The following MST1R variants were observed in gnomAD, a reference collection of about 807,000 sequenced individuals.
MST1R encodes macrophage-stimulating protein receptor.
A neutral mutation model predicts 117.8 loss-of-function variants in MST1R; 99 were observed. The observed-to-expected ratio is 0.84, with a 90% confidence interval of 0.71 to 0.99. The LOEUF is 0.99. Among genes scored for constraint, MST1R ranks in the 50% least tolerant of loss-of-function variants. The pLI, the probability that MST1R is intolerant of heterozygous loss-of-function variation, is 0.00. For missense variants in MST1R, 1,683 were observed against 1,840.2 expected (o/e 0.91, Z 1.56); for synonymous variants, 734 against 765.3 (o/e 0.96, Z 0.68).
In MST1R at chr3:49,890,579, T is replaced by C. The variant is rs200817733; in HGVS notation, c.3716A>G (p.Tyr1239Cys). 9.3e-6 allele frequency: 15 copies of C among 1,614,124 alleles called. No homozygotes were observed. In the African/African-American group the frequency reaches 1.5e-4, roughly 16 times the overall value. Residue 1239 changes from tyrosine (Y) to cysteine (C), a missense_variant, in exon 18 of 20, where the codon TAT (tyrosine) becomes TGT (cysteine). By Grantham distance (194) the Tyr-to-Cys change is radical. Transcript: ENST00000296474. ...AGCGTGGCGATGCTGTTGAACACTA[T>C]AGTACTCCCTGTCCAGGATGTCGCG... ...LARDILDREY[Y>C]SVQQHRHARL... is the part of the protein sequence containing the mutation.
At chr3:49,898,387 C>T in intron 4 of MST1R, 131 bp downstream of exon 4, 3 of 1,372,980 alleles carry the variant, frequency 2.2e-6, no homozygotes, top group Non-Finnish European at 3.0e-6. Context: ...TCCCCTCTGA[C>T]AAGAATGCCC....
Position 49,891,552 on chromosome 3 carries a change from G to GCCCCTCTC in MST1R, c.3380_3381insGAGAGGGG (p.Phe1128ArgfsTer14). 1 of 1,613,946 alleles carries GCCCCTCTC rather than the reference G, an allele frequency of 6.2e-7. No homozygotes were observed. The highest frequency in any genetic ancestry group is 2.2e-5 in the East Asian group (1 of 44,882). On this transcript the variant is annotated frameshift_variant, in exon 16 of 20. Coordinates refer to ENST00000296474, the MANE Select transcript of MST1R (RefSeq NM_002447.4). LOFTEE classifies it high-confidence loss of function. The stretch of plus-strand genomic sequence containing the variant: ...GCATGAGCAGCCCCTCTCGCAGGAA[G>GCCCCTCTC]GCCTCCACCTGCTGCATCTCTGTGA...
rs1339291117 is a variant in MST1R at position 49,898,164 on chromosome 3, C to A, written c.1767G>T (p.Leu589=). The A allele has an allele frequency of 6.2e-7, 1 of 1,614,012 alleles. No homozygotes were observed. Among genetic ancestry groups the A allele is most frequent in the East Asian group, 2.2e-5 (1 of 44,880 alleles). The change falls in exon 5 of 20, where the codon CTG becomes CTT. Residue 589 remains leucine, a synonymous_variant. Coordinates refer to ENST00000296474, the MANE Select transcript of MST1R (RefSeq NM_002447.4). ...GGTGAAGGTAGAAGTTGGAGCCACA[C>A]AGGGTCAGCCTTGTACTGCCCCTTA... is the stretch of plus-strand genomic sequence containing the variant. ...GPLRGSTRLT[L]CGSNFYLHPS...
In MST1R at chr3:49,897,636, G is replaced by T; in HGVS notation, c.1930C>A (p.Pro644Thr). The T allele has an allele frequency of 6.2e-7, 1 of 1,614,134 alleles. No individual in the cohort carries two copies. Among genetic ancestry groups the T allele is most frequent in the South Asian group, 1.1e-5 (1 of 91,086 alleles). ...FVEEFECELE[P>T]LGTQAVGPTN... ...GGCCCCACTGCCTGGGTGCCCAAGGGCTCCAGTTCACACTCAAACTCCTCT... is the reference window on the plus strand; with the variant it reads ...GGCCCCACTGCCTGGGTGCCCAAGGTCTCCAGTTCACACTCAAACTCCTCT... Residue 644 changes from proline (P) to threonine (T), a missense_variant, in exon 6 of 20, where the codon CCC becomes ACC. Transcript: ENST00000296474.
chr3:49,888,327 T>C (rs914284921), intron 19 of MST1R, among the ~76,000 whole-genome samples: 1 of 151,704 alleles, frequency 6.6e-6, no homozygotes, highest in Non-Finnish European at 1.5e-5. Context: ...TCCCAGCTAC[T>C]CGGGAGGCTG....
rs765954489 is a variant in MST1R, at chr3:49,895,799, C to T, written c.2878G>A (p.Gly960Ser). The T allele has an allele frequency of 6.2e-7, 1 of 1,613,956 alleles. No individual in the cohort carries two copies. The highest frequency in any genetic ancestry group is 8.5e-7 in the Non-Finnish European group (1 of 1,179,994). Residue 960 changes from glycine (G) to serine (S), a missense_variant, in exon 12 of 20, where the codon GGT (glycine) becomes AGT (serine). Coordinates refer to ENST00000296474, the MANE Select transcript of MST1R (RefSeq NM_002447.4). Reference protein sequence around the residue: ...PDGVPQSTLLGILLPLLLLVA... With the variant: ...PDGVPQSTLLSILLPLLLLVA... ...AGCAGCAGCAAAGGCAGCAGGATAC[C>T]AAGGAGCGTGCTCTGTGGGACCCCA...
At chr3:49,888,080 T>G (rs2082213905) in intron 19 of MST1R, among the ~76,000 whole-genome samples, 1 of 152,006 alleles carries the variant, frequency 6.6e-6, no homozygotes, top group South Asian at 2.1e-4. Flanking sequence ...GGTCACGAGG[T>G]CAGGAGTTCG....
intron 1 of MST1R, chr3:49,899,464 C>G: frequency 1.9e-6 from 1 of 521,212 alleles, no homozygotes; most frequent in Non-Finnish European, 3.4e-6. Flanking sequence ...AAGGCCCAGG[C>G]TGGAAGGTCC....
chr3:49,899,452 A>T, intron 1 of MST1R, 189 bp from the exon 2 acceptor site: 1 of 529,620 alleles, frequency 1.9e-6, no homozygotes, highest in South Asian at 2.0e-5. Flanking sequence ...AAGGGCAGGG[A>T]GAAGGCCCAG....
intron 19 of MST1R, among the ~76,000 whole-genome samples, chr3:49,888,368 G>A (rs1238004045): frequency 1.3e-5 from 2 of 151,204 alleles, no homozygotes; most frequent in East Asian, 1.9e-4. Flanking sequence ...CCCGGGAGGC[G>A]GAGCTTGCAG....
At chr3:49,894,579 CAAAACCATAAAT>C (rs1238284530) in intron 14 of MST1R, among the ~76,000 whole-genome samples, 1 of 152,004 alleles carries the variant, frequency 6.6e-6, no homozygotes, top group Non-Finnish European at 1.5e-5. Context: ...AAAACAAAAA[CAAAACCATAAAT>C]AAAACCAAAA....
In MST1R at chr3:49,887,290, C is replaced by T; in HGVS notation, c.*17G>A. On this transcript the variant is annotated 3_prime_UTR_variant, in exon 20 of 20. Coordinates refer to ENST00000296474, the MANE Select transcript of MST1R (RefSeq NM_002447.4). ...GTTAGCTCAAGGCAGCTAAGCAGGT[C>T]CAGCCCAAGAACTAAGTCAAGTGGG... is the stretch of plus-strand genomic sequence containing the variant. 1 of 1,613,102 alleles carries T rather than the reference C, an allele frequency of 6.2e-7. No individual in the cohort carries two copies. Among genetic ancestry groups the T allele is most frequent in the Non-Finnish European group, 8.5e-7 (1 of 1,179,604 alleles).
In MST1R at chr3:49,890,561, C is replaced by T. The variant is rs772999107; in HGVS notation, c.3734G>A (p.Arg1245His). 4.3e-6 allele frequency: 7 copies of T among 1,614,000 alleles called. No individual in the cohort carries two copies. The highest frequency in any genetic ancestry group is 3.3e-5 in the Admixed American group (2 of 59,990). ...DREYYSVQQHRHARLPVKWMA... is the reference protein window; with the variant it reads ...DREYYSVQQHHHARLPVKWMA... The stretch of plus-strand genomic sequence containing the variant: ...CCACTTCACAGGTAGGCGAGCGTGG[C>T]GATGCTGTTGAACACTATAGTACTC... The change falls in exon 18 of 20, where the codon CGC becomes CAC. Residue 1245 changes from arginine (R) to histidine (H), a missense_variant. Arg to His is a conservative substitution (Grantham distance 29). Coordinates refer to ENST00000296474, the MANE Select transcript of MST1R (RefSeq NM_002447.4).
At chr3:49,892,025 G>A in intron 14 of MST1R, 187 bp from the exon 15 acceptor site, 1 of 445,586 alleles carries the variant, frequency 2.2e-6, no homozygotes, top group Non-Finnish European at 4.0e-6. Context: ...GTGCAGTGGT[G>A]CAATCTCAAC....
At chr3:49,892,676 A>G (rs987018973) in intron 14 of MST1R, among the ~76,000 whole-genome samples, 1 of 151,816 alleles carries the variant, frequency 6.6e-6, no homozygotes, top group Non-Finnish European at 1.5e-5. Context: ...ATTAAAAAAA[A>G]AAAAAAAAGG....
chr3:49,896,811 C>T lies in MST1R; in HGVS notation c.2263G>A (p.Gly755Ser), dbSNP rs1340997992. The T allele has an allele frequency of 6.4e-7, 1 of 1,559,534 alleles. No individual in the cohort carries two copies. The highest frequency in any genetic ancestry group is 8.7e-7 in the Non-Finnish European group (1 of 1,150,846). The change falls in exon 8 of 20, where the codon GGT (glycine) becomes AGT (serine). Residue 755 changes from glycine (G) to serine (S), a missense_variant. Physicochemically the swap from Gly to Ser is moderately conservative, Grantham distance 56 (BLOSUM62 0). Transcript: ENST00000296474. ...GTCCAGGAACCAGGTACCTGGGCAC[C>T]CCCCACCTGCAGGCTAAGGGGGACA... ...ASVPLSLQVG[G>S]AQVPGSWTFQ...
At position 49,903,267 on chromosome 3, in the gene MST1R, G is replaced by A; in HGVS notation, c.343C>T (p.Pro115Ser). 6.2e-7 allele frequency: 1 copy of A among 1,610,252 alleles called. No individual in the cohort carries two copies. Among genetic ancestry groups the A allele is most frequent in the Non-Finnish European group, 8.5e-7 (1 of 1,179,954 alleles). The change falls in exon 1 of 20, where the codon CCC becomes TCC. Residue 115 changes from proline (P) to serine (S), a missense_variant. Pro to Ser is a moderately conservative substitution (Grantham distance 74, BLOSUM62 -1). Coordinates refer to ENST00000296474, the MANE Select transcript of MST1R (RefSeq NM_002447.4). ...AGCACCTTTGTGTCTGTGTCACCGG[G>A]AGGGCCGTGGGGTCCTGGGCCACAG... is the stretch of plus-strand genomic sequence containing the variant. ...AACGPGPHGP[P>S]GDTDTKVLVL...
At chr3:49,889,360 G>A (rs978119537) in intron 19 of MST1R, among the ~76,000 whole-genome samples, 6 of 152,188 alleles carry the variant, frequency 3.9e-5, no homozygotes, top group East Asian at 1.9e-4. Flanking sequence ...GACAGGAGGC[G>A]TTAACTACTT....
At chr3:49,889,718 T>C (rs763821759) in intron 19 of MST1R, among the ~76,000 whole-genome samples, 1 of 152,144 alleles carries the variant, frequency 6.6e-6, no homozygotes, top group Admixed American at 6.6e-5. Flanking sequence ...AGAATGCTGT[T>C]ACCATGGCAA....
Sources: allele counts gnomAD v4.1 joint callset (sites outside exome capture counted in the v4.1 genomes callset), GRCh38; gene constraint gnomAD v4.1.1; transcripts MANE v1.5; gene names NCBI Gene and HGNC (gene_info 2026-07-23, HGNC 2026-07-21).